CAMKMT: variants seen among roughly 807,000 people sequenced by gnomAD.
CAMKMT encodes CaM KMT.
Under a neutral mutation model 48.0 loss-of-function variants are expected in CAMKMT, and 53 were observed. The observed-to-expected ratio is 1.10, with a 90% CI of 0.89 to 1.39. The LOEUF (loss-of-function observed/expected upper bound fraction) is 1.39, where lower values mean the gene tolerates loss of function less well. Among genes scored for constraint, CAMKMT ranks in the 40% most tolerant of loss-of-function variants. CAMKMT has a pLI of 0.00. For missense variants in CAMKMT, 428 were observed against 402.7 expected (o/e 1.06, Z -0.54); for synonymous variants, 165 against 152.3 (o/e 1.08, Z -0.61).
chr2:44,385,696 T>C (rs1312861729), intron 2 of CAMKMT, among the ~76,000 whole-genome samples: 1 of 152,140 alleles, frequency 6.6e-6, no homozygotes, highest in Non-Finnish European at 1.5e-5. Context: ...AATGCTGGAT[T>C]TTGTCGAATG....
chr2:44,377,140 A>G (rs769644942), intron 2 of CAMKMT, among the ~76,000 whole-genome samples: 1 of 152,022 alleles, frequency 6.6e-6, no homozygotes. Context: ...CCAAGTGGCT[A>G]GGACTACAGT....
chr2:44,456,906 T>G (rs1667592944), intron 3 of CAMKMT: 1 of 263,360 alleles, frequency 3.8e-6, no homozygotes, highest in Non-Finnish European at 7.1e-6. Context: ...GGCTATATCA[T>G]TACAATAAAT....
At chr2:44,435,980 C>A (rs535222541) in intron 3 of CAMKMT, among the ~76,000 whole-genome samples, 1 of 152,284 alleles carries the variant, frequency 6.6e-6, no homozygotes, top group African/African-American at 2.4e-5. Context: ...ACCCATTTTA[C>A]AAATGATTAA....
At chr2:44,409,756 C>T (rs769953012) in intron 3 of CAMKMT, among the ~76,000 whole-genome samples, 7 of 152,014 alleles carry the variant, frequency 4.6e-5, no homozygotes, top group Admixed American at 6.5e-5. Flanking sequence ...TAAAATAATT[C>T]ATATGGAAAA....
intron 2 of CAMKMT, among the ~76,000 whole-genome samples, chr2:44,374,660 A>G (rs903527609): frequency 1.3e-5 from 2 of 152,260 alleles, no homozygotes; most frequent in Non-Finnish European, 2.9e-5. Flanking sequence ...AGTACTATCC[A>G]GAGCCCAAGC....
At chr2:44,614,364 C>T (rs1671757211) in intron 3 of CAMKMT, among the ~76,000 whole-genome samples, 1 of 152,134 alleles carries the variant, frequency 6.6e-6, no homozygotes, top group African/African-American at 2.4e-5. Context: ...GAGAAGTAAA[C>T]CAACAGTAAT....
chr2:44,485,317 CAAAT>C (rs1385982494), intron 3 of CAMKMT, among the ~76,000 whole-genome samples: 1 of 152,038 alleles, frequency 6.6e-6, no homozygotes, highest in African/African-American at 2.4e-5. Context: ...TTAGAAAAGA[CAAAT>C]AAATTGTGGT....
At chr2:44,630,693 T>C (rs1672760884) in intron 3 of CAMKMT, among the ~76,000 whole-genome samples, 1 of 151,270 alleles carries the variant, frequency 6.6e-6, no homozygotes, top group South Asian at 2.1e-4. Flanking sequence ...AAAACCACAA[T>C]GAGATATCAT....
At chr2:44,418,184 C>G (rs1363541161) in intron 3 of CAMKMT, among the ~76,000 whole-genome samples, 2 of 128,410 alleles carry the variant, frequency 1.6e-5, no homozygotes, top group East Asian at 2.1e-4. Context: ...AAGAGCGGAA[C>G]TCTGTCTCAA....
chr2:44,430,388 ATGAAG>A (rs559221250), intron 3 of CAMKMT, among the ~76,000 whole-genome samples: 52 of 151,834 alleles, frequency 3.4e-4, no homozygotes, highest in African/African-American at 1.2e-3. Context: ...TTCATGTGTG[ATGAAG>A]TGAAATGTTG....
intron 8 of CAMKMT, among the ~76,000 whole-genome samples, chr2:44,745,513 C>T (rs1001156986): frequency 2.6e-5 from 4 of 152,170 alleles, no homozygotes; most frequent in African/African-American, 9.7e-5. Context: ...ATTACACACA[C>T]ATAACATAAT....
chr2:44,412,427 C>T (rs953663950), intron 3 of CAMKMT, among the ~76,000 whole-genome samples: 1 of 152,126 alleles, frequency 6.6e-6, no homozygotes, highest in African/African-American at 2.4e-5. Flanking sequence ...CCTCTGCCTC[C>T]CAGGTTCAAG....
intron 3 of CAMKMT, among the ~76,000 whole-genome samples, chr2:44,399,480 G>T (rs1427544513): frequency 3.3e-5 from 5 of 151,872 alleles, no homozygotes; most frequent in Non-Finnish European, 7.4e-5. Flanking sequence ...AATTTGTTGG[G>T]GGAGGGGGCA....
intron 2 of CAMKMT, among the ~76,000 whole-genome samples, chr2:44,375,519 C>T (rs1179892422): frequency 3.9e-5 from 6 of 151,960 alleles, no homozygotes; most frequent in African/African-American, 1.2e-4. Flanking sequence ...TAAGTACTTT[C>T]AAAATGAGTG....
chr2:44,528,222 G>T (rs1558680095), intron 3 of CAMKMT, among the ~76,000 whole-genome samples: 1 of 151,742 alleles, frequency 6.6e-6, no homozygotes. Flanking sequence ...TTACCACAAA[G>T]GGTCATTTCC....
chr2:44,421,145 G>C (rs1402192305), intron 3 of CAMKMT, among the ~76,000 whole-genome samples: 3 of 151,958 alleles, frequency 2.0e-5, no homozygotes, highest in Non-Finnish European at 2.9e-5. Flanking sequence ...ATGGAAAATA[G>C]AAAAAAATCA....
chr2:44,552,777 C>A (rs1667792087), intron 3 of CAMKMT, among the ~76,000 whole-genome samples: 1 of 152,172 alleles, frequency 6.6e-6, no homozygotes, highest in Non-Finnish European at 1.5e-5. Flanking sequence ...TGAAAACCAG[C>A]CTGTTTGACC....
intron 3 of CAMKMT, among the ~76,000 whole-genome samples, chr2:44,473,581 C>T (rs923379070): frequency 6.6e-6 from 1 of 152,178 alleles, no homozygotes; most frequent in Non-Finnish European, 1.5e-5. Context: ...TAATAACCAA[C>T]TCTGGACAAT....
At chr2:44,413,212 G>C (rs934902460) in intron 3 of CAMKMT, among the ~76,000 whole-genome samples, 2 of 152,188 alleles carry the variant, frequency 1.3e-5, no homozygotes, top group South Asian at 4.1e-4. Context: ...TTTTTCACTT[G>C]AGTGATCCTA....
Sources: allele counts gnomAD v4.1 joint callset (sites outside exome capture counted in the v4.1 genomes callset), GRCh38; gene constraint gnomAD v4.1.1; transcripts MANE v1.5; gene names NCBI Gene and HGNC (gene_info 2026-07-23, HGNC 2026-07-21).